Variants in MAMLD1 observed in about 807,000 individuals in gnomAD.
MAMLD1 encodes the protein mastermind-like domain-containing protein 1.
In MAMLD1, 14 loss-of-function variants were observed where a neutral mutation model predicts 45.0. That is an observed-to-expected ratio of 0.31 (90% CI 0.21 to 0.49). MAMLD1 has a LOEUF of 0.49. Ranked by LOEUF, MAMLD1 falls within the 20% of genes least tolerant of loss-of-function variation. The probability of loss-of-function intolerance (pLI) is 0.99; values close to 1 mark genes in which losing one functional copy is unlikely to be tolerated. For missense variants in MAMLD1, 543 were observed against 603.6 expected, an observed-to-expected ratio of 0.90 and a Z score of 1.05; for synonymous variants, 254 against 247.8, an observed-to-expected ratio of 1.02 and a Z score of -0.24.
intron 6 of MAMLD1, 41 bp from the exon 7 acceptor site, chrX:150,509,921 G>A: frequency 1.0e-6 from 1 of 958,751 alleles, no homozygotes; most frequent in Non-Finnish European, 1.5e-6. Context: ...ATTATTAATT[G>A]GTAGCTGTAA....
chrX:150,405,772 C>T (rs1557402647), intron 1 of MAMLD1, among the ~76,000 whole-genome samples: 1 of 111,458 alleles, frequency 9.0e-6, no homozygotes, highest in Non-Finnish European at 1.9e-5. Flanking sequence ...CAGCGAATTC[C>T]TCACCTTACA....
chrX:150,513,003 A>G lies in MAMLD1; in HGVS notation c.*1044A>G, dbSNP rs1259462071. ...AGGCTGATCGACGACATTTTGGAAC[A>G]GCATGCTGCTGCTCAAAATGCCACA... On this transcript the variant is annotated 3_prime_UTR_variant, in exon 8 of 8. Coordinates refer to ENST00000370401, the MANE Select transcript of MAMLD1 (RefSeq NM_005491.5). 1.3e-5 allele frequency: 15 copies of G among 1,154,235 alleles called. No homozygotes were observed. The Admixed American group carries it at 3.3e-4, about 26-fold the overall frequency.
chrX:150,378,539 A>G (rs782127517), intron 1 of MAMLD1, among the ~76,000 whole-genome samples: 6 of 111,762 alleles, frequency 5.4e-5, no homozygotes. Context: ...GCATTTATTG[A>G]TGGTCTGTGC....
intron 1 of MAMLD1, among the ~76,000 whole-genome samples, chrX:150,410,728 G>T (rs1360355338): frequency 1.8e-5 from 2 of 112,167 alleles, no homozygotes; most frequent in South Asian, 3.7e-4. Context: ...TTTTACAGAT[G>T]AGGAAATAGA....
In MAMLD1 at chrX:150,423,360, G is replaced by GTGTGTA. The variant is rs1378677554; in HGVS notation, c.-63-22089_-63-22088insATGTGT. Among the ~76,000 whole-genome samples, 3 of 105,473 alleles carry GTGTGTA rather than the reference G, an allele frequency of 2.8e-5. No individual in the cohort carries two copies. The East Asian group carries it at 8.9e-4, about 31-fold the overall frequency. The allele number at this position is 105,473 out of a possible 115,157, so 91.6% of individuals were successfully genotyped here. Reference sequence around the variant, plus strand: ...AAAACATTATACTCTGTGTGTGTGTGTGTGTGTGTGTGTGTGTGTGTGTGT... The same window carrying GTGTGTA: ...AAAACATTATACTCTGTGTGTGTGTGTGTGTATGTGTGTGTGTGTGTGTGTGTGTGT... On this transcript the variant is annotated intron_variant, in intron 1 of 7. Coordinates refer to ENST00000370401, the MANE Select transcript of MAMLD1 (RefSeq NM_005491.5).
At chrX:150,386,335 T>C (rs2032928710) in intron 1 of MAMLD1, among the ~76,000 whole-genome samples, 1 of 111,458 alleles carries the variant, frequency 9.0e-6, no homozygotes, top group Admixed American at 9.5e-5. Context: ...TTCCAAAACA[T>C]TGACAATCTT....
intron 1 of MAMLD1, among the ~76,000 whole-genome samples, chrX:150,375,359 T>G (rs945142078): frequency 1.8e-5 from 2 of 112,123 alleles, no homozygotes; most frequent in Admixed American, 1.9e-4. Flanking sequence ...TGATGAATGC[T>G]CAGGTCCTCA....
chrX:150,474,101 C>T (rs2036512543), intron 5 of MAMLD1, among the ~76,000 whole-genome samples: 1 of 112,173 alleles, frequency 8.9e-6, no homozygotes, highest in Non-Finnish European at 1.9e-5. Flanking sequence ...CCTTTCCAGC[C>T]CATGCTGGCC....
intron 1 of MAMLD1, among the ~76,000 whole-genome samples, chrX:150,400,395 G>A (rs782238171): frequency 8.9e-5 from 10 of 111,887 alleles, no homozygotes; most frequent in African/African-American, 2.3e-4. Flanking sequence ...CAATCATATC[G>A]TCTGCAAACA....
chrX:150,369,642 G>C (rs2031800619), intron 1 of MAMLD1, among the ~76,000 whole-genome samples: 1 of 112,145 alleles, frequency 8.9e-6, no homozygotes, highest in African/African-American at 3.2e-5. Context: ...CATTGGGTTG[G>C]TATACAGATA....
At chrX:150,394,769 T>C (rs782730415) in intron 1 of MAMLD1, among the ~76,000 whole-genome samples, 2 of 111,860 alleles carry the variant, frequency 1.8e-5, no homozygotes, top group East Asian at 5.6e-4. Context: ...AGAATGTGAT[T>C]GACCTTGTGT....
chrX:150,378,904 G>A (rs1365571204), intron 1 of MAMLD1, among the ~76,000 whole-genome samples: 2 of 110,777 alleles, frequency 1.8e-5, no homozygotes, highest in Non-Finnish European at 3.8e-5. Flanking sequence ...CCCTGCCTTA[G>A]CCTTAATATC....
chrX:150,486,926 A>G (rs1319759984), intron 5 of MAMLD1, among the ~76,000 whole-genome samples: 2 of 112,030 alleles, frequency 1.8e-5, no homozygotes, highest in African/African-American at 3.2e-5. Flanking sequence ...TCAGTTTCCT[A>G]TTCTGTATAA....
intron 1 of MAMLD1, among the ~76,000 whole-genome samples, chrX:150,419,465 A>G (rs1263399875): frequency 9.3e-6 from 1 of 107,497 alleles, no homozygotes; most frequent in African/African-American, 3.4e-5. Flanking sequence ...TTATGTTTGA[A>G]TTTGATCCTG....
intron 5 of MAMLD1, among the ~76,000 whole-genome samples, chrX:150,495,011 G>C (rs2037328618): frequency 8.9e-6 from 1 of 112,186 alleles, no homozygotes; most frequent in Non-Finnish European, 1.9e-5. Flanking sequence ...TTCAAGACCA[G>C]CCTGGCCAAC....
At chrX:150,501,604 G>C (rs1557408527) in intron 5 of MAMLD1, among the ~76,000 whole-genome samples, 1 of 112,283 alleles carries the variant, frequency 8.9e-6, no homozygotes, top group African/African-American at 3.2e-5. Flanking sequence ...GATTTCATGG[G>C]TTTTCTTGAC....
rs141439303 is a variant in MAMLD1, at chrX:150,467,678, C to T, written c.172-2067C>T. On this transcript the variant is annotated intron_variant, in intron 3 of 7. Coordinates refer to ENST00000370401, the MANE Select transcript of MAMLD1 (RefSeq NM_005491.5). The stretch of plus-strand genomic sequence containing the variant: ...CCTTCTGTGGGGGCGATGCAGTGTC[C>T]TACCAACAACATGGCGAAGGCAGTG... 4.1e-3 allele frequency among the ~76,000 whole-genome samples: 457 copies of T among 112,718 alleles called. 3 individuals carry two copies. Among genetic ancestry groups the T allele is most frequent in the African/African-American group, 0.014 (431 of 31,088 alleles).
At chrX:150,382,885 A>ATTTTTTTTTTTTTATTTTT (rs2032700221) in intron 1 of MAMLD1, among the ~76,000 whole-genome samples, 1 of 41,191 alleles carries the variant, frequency 2.4e-5, no homozygotes, top group South Asian at 8.4e-4. Context: ...ATTTTATTTT[A>ATTTTTTTTTTTTTATTTTT]TTTTTTTTTT....
chrX:150,512,672 A>G lies in MAMLD1; in HGVS notation c.*713A>G. 1.7e-6 allele frequency: 2 copies of G among 1,150,276 alleles called. No homozygotes were observed. Among genetic ancestry groups the G allele is most frequent in the Non-Finnish European group, 2.3e-6 (2 of 869,381 alleles). The allele number at this position is 1,150,276 out of a possible 1,213,427, so 94.8% of individuals were successfully genotyped here. A position where few individuals can be genotyped will look rare whatever the true frequency, so the allele number is the denominator to read the frequency against. The stretch of plus-strand genomic sequence containing the variant: ...CCCGGTGCCTGTAGCAAACACCACC[A>G]AGTTCCTCCAGCAGGGTATGGCCAG... On this transcript the variant is annotated 3_prime_UTR_variant, in exon 8 of 8. Coordinates refer to ENST00000370401, the MANE Select transcript of MAMLD1 (RefSeq NM_005491.5).
Sources: allele counts gnomAD v4.1 joint callset (sites outside exome capture counted in the v4.1 genomes callset), GRCh38; gene constraint gnomAD v4.1.1; transcripts MANE v1.5; gene names NCBI Gene and HGNC (gene_info 2026-07-23, HGNC 2026-07-21).